The following CSGALNACT1 variants were observed in gnomAD, a reference collection of about 807,000 sequenced individuals.
The protein encoded by CSGALNACT1 is beta4GalNAcT-1.
In CSGALNACT1, 52 loss-of-function variants were observed where a neutral mutation model predicts 51.0. That is an observed-to-expected ratio of 1.02 (90% CI 0.82 to 1.29). CSGALNACT1 has a LOEUF of 1.29. Among genes scored for constraint, CSGALNACT1 ranks in the 50% most tolerant of loss-of-function variants. CSGALNACT1 has a pLI of 0.00. For missense variants in CSGALNACT1, 935 were observed against 679.2 expected (o/e 1.38, Z -4.19); for synonymous variants, 341 against 254.4 (o/e 1.34, Z -3.24).
At chr8:19,510,735 T>C (rs2078312944) in intron 3 of CSGALNACT1, among the ~76,000 whole-genome samples, 1 of 152,196 alleles carries the variant, frequency 6.6e-6, no homozygotes, top group Non-Finnish European at 1.5e-5. Context: ...ATAATACATT[T>C]TAAAACGACA....
At chr8:19,565,164 C>T (rs995478024) in intron 3 of CSGALNACT1, among the ~76,000 whole-genome samples, 3 of 152,212 alleles carry the variant, frequency 2.0e-5, no homozygotes, top group East Asian at 1.9e-4. Context: ...TACAGACTTT[C>T]GAAGTGTTTC....
intron 1 of CSGALNACT1, among the ~76,000 whole-genome samples, chr8:19,663,512 T>A (rs2058939611): frequency 6.6e-6 from 1 of 152,210 alleles, no homozygotes; most frequent in Non-Finnish European, 1.5e-5. Context: ...CAAGCAACTC[T>A]GTTCCAAAGA....
chr8:19,609,521 A>C (rs908402798), intron 1 of CSGALNACT1, among the ~76,000 whole-genome samples: 1 of 151,996 alleles, frequency 6.6e-6, no homozygotes, highest in African/African-American at 2.4e-5. Flanking sequence ...AATAAAAAGG[A>C]ATGATCTATT....
chr8:19,449,017 AATTT>A (rs1310077938), intron 5 of CSGALNACT1, among the ~76,000 whole-genome samples: 1 of 152,110 alleles, frequency 6.6e-6, no homozygotes, highest in African/African-American at 2.4e-5. Context: ...TGTCGAGATA[AATTT>A]ATTAATATAT....
intron 1 of CSGALNACT1, among the ~76,000 whole-genome samples, chr8:19,696,777 C>A (rs770086589): frequency 6.6e-6 from 1 of 152,138 alleles, no homozygotes; most frequent in South Asian, 2.1e-4. Flanking sequence ...GAATGGGGGT[C>A]GGTACACAGG....
intron 4 of CSGALNACT1, among the ~76,000 whole-genome samples, chr8:19,493,704 T>C (rs2074875590): frequency 1.3e-5 from 2 of 152,224 alleles, no homozygotes; most frequent in South Asian, 2.1e-4. Context: ...TAATCTTCTA[T>C]TGCATGCAAT....
intron 3 of CSGALNACT1, among the ~76,000 whole-genome samples, chr8:19,581,991 A>G (rs768768695): frequency 8.5e-5 from 13 of 152,266 alleles, no homozygotes; most frequent in Non-Finnish European, 1.6e-4. Context: ...TTTTTCTTAA[A>G]GATGATCACC....
chr8:19,480,090 A>G (rs2070937376), intron 4 of CSGALNACT1, among the ~76,000 whole-genome samples: 1 of 152,244 alleles, frequency 6.6e-6, no homozygotes, highest in East Asian at 1.9e-4. Context: ...CTGAATAGGA[A>G]ACAAGTCATG....
At chr8:19,553,832 A>C (rs1488015225) in intron 3 of CSGALNACT1, among the ~76,000 whole-genome samples, 1 of 151,574 alleles carries the variant, frequency 6.6e-6, no homozygotes, top group Non-Finnish European at 1.5e-5. Context: ...AGCTGAGAAA[A>C]CATTGCATTG....
exon 10 of CSGALNACT1, chr8:19,405,185 A>G (rs2053908170): frequency 2.2e-6 from 1 of 449,320 alleles, no homozygotes; most frequent in South Asian, 1.6e-5. Context: ...GGAGACAGTT[A>G]AAAGGACAAC....
intron 1 of CSGALNACT1, among the ~76,000 whole-genome samples, chr8:19,705,738 A>G (rs1007058733): frequency 3.3e-5 from 5 of 152,060 alleles, no homozygotes; most frequent in South Asian, 2.1e-4. Flanking sequence ...CCCAGTCTCA[A>G]AAAAAAATCC....
At chr8:19,728,568 T>G (rs2063526320) in intron 1 of CSGALNACT1, among the ~76,000 whole-genome samples, 1 of 152,120 alleles carries the variant, frequency 6.6e-6, no homozygotes, top group Middle Eastern at 3.2e-3. Flanking sequence ...CACAGACTTG[T>G]TCTAATCTGA....
At chr8:19,666,953 A>G (rs1404021191) in intron 1 of CSGALNACT1, among the ~76,000 whole-genome samples, 1 of 13,508 alleles carries the variant, frequency 7.4e-5, no homozygotes. Flanking sequence ...AAAAGAAAGA[A>G]AGAAAGAAAG....
intron 1 of CSGALNACT1, among the ~76,000 whole-genome samples, chr8:19,706,120 A>G (rs1271242871): frequency 6.6e-6 from 1 of 152,194 alleles, no homozygotes; most frequent in African/African-American, 2.4e-5. Context: ...GGGCCCTTAC[A>G]AAGCAAATAG....
At chr8:19,492,372 A>T (rs2074535807) in intron 4 of CSGALNACT1, among the ~76,000 whole-genome samples, 1 of 152,228 alleles carries the variant, frequency 6.6e-6, no homozygotes, top group Non-Finnish European at 1.5e-5. Flanking sequence ...ATGTTTGTTG[A>T]GTAATTATCC....
intron 1 of CSGALNACT1, among the ~76,000 whole-genome samples, chr8:19,731,427 G>C (rs1164451459): frequency 1.3e-5 from 2 of 152,184 alleles, no homozygotes; most frequent in African/African-American, 4.8e-5. Flanking sequence ...AGACTCCCTG[G>C]AACCCGGGAG....
At chr8:19,743,313 G>A (rs1369265570) in intron 1 of CSGALNACT1, among the ~76,000 whole-genome samples, 1 of 152,154 alleles carries the variant, frequency 6.6e-6, no homozygotes, top group Non-Finnish European at 1.5e-5. Flanking sequence ...TATTCCTAAT[G>A]TGGTTCATGA....
At chr8:19,587,908 A>T (rs1463849145) in intron 3 of CSGALNACT1, 1 of 152,208 alleles carries the variant, frequency 6.6e-6, no homozygotes, top group Admixed American at 6.5e-5. Context: ...ATACAATAAC[A>T]GTCCAGCAAT....
At chr8:19,715,528 G>A (rs1457214230) in intron 1 of CSGALNACT1, among the ~76,000 whole-genome samples, 1 of 152,172 alleles carries the variant, frequency 6.6e-6, no homozygotes, top group Admixed American at 6.5e-5. Flanking sequence ...CCAGTCTACT[G>A]TTGATGGTCA....
Sources: allele counts gnomAD v4.1 joint callset (sites outside exome capture counted in the v4.1 genomes callset), GRCh38; gene constraint gnomAD v4.1.1; transcripts MANE v1.5; gene names NCBI Gene and HGNC (gene_info 2026-07-23, HGNC 2026-07-21).